Variants in TRRAP observed in about 807,000 individuals in gnomAD.
TRRAP encodes the protein transformation/transcription domain-associated protein.
A neutral mutation model predicts 438.8 loss-of-function variants in TRRAP; 41 were observed. That is an observed-to-expected ratio of 0.09 (90% CI 0.07 to 0.12). The LOEUF is 0.12. TRRAP is among the 10% of genes least tolerant of loss of function. TRRAP has a pLI of 1.00. For missense variants in TRRAP, 3,122 were observed against 5,055.1 expected (o/e 0.62, Z 11.60); for synonymous variants, 1,994 against 1,962.9 (o/e 1.02, Z -0.42).
chr7:98,949,372 A>C (rs1791227832), intron 35 of TRRAP, 45 bp from the exon 36 acceptor site: 1 of 1,449,162 alleles, frequency 6.9e-7, no homozygotes, highest in African/African-American at 1.4e-5. Flanking sequence ...ACTTTCTGTG[A>C]GTTTGATTAG....
chr7:98,978,888 A>G lies in TRRAP; in HGVS notation c.8618A>G (p.Lys2873Arg). The change falls in exon 58 of 73, where the codon AAG (lysine) becomes AGG (arginine). Residue 2873 changes from lysine (K) to arginine (R), a missense_variant. By Grantham distance (26) the Lys-to-Arg change is conservative. Around this residue, in one of 24 missense-constraint regions of TRRAP, gnomAD observed 992 missense variants for 1,281.2 expected, o/e 0.77. Transcript: ENST00000456197. ...AWRVSNWTAM[K>R]EALVQVEVSC... ...CGGGTGTCCAACTGGACTGCCATGA[A>G]GGAGGCGCTGGTGCAGGTGAGACGC... 1.2e-6 allele frequency: 2 copies of G among 1,614,128 alleles called. No homozygotes were observed. Among genetic ancestry groups the G allele is most frequent in the East Asian group, 2.2e-5 (1 of 44,888 alleles).
In TRRAP at chr7:98,911,340, A is replaced by G. The variant is rs528301044; in HGVS notation, c.2007+69A>G. ...TTGTTTATGTCTTAAATACTTTTTCATTTATTTCAAGGATTTTAAAAATAA... is the reference window on the plus strand; with the variant it reads ...TTGTTTATGTCTTAAATACTTTTTCGTTTATTTCAAGGATTTTAAAAATAA... On this transcript the variant is annotated intron_variant, in intron 17 of 72. Transcript: ENST00000456197. 15 of 1,396,460 alleles carry G rather than the reference A, an allele frequency of 1.1e-5. No homozygotes were observed. The East Asian group carries it at 3.2e-4, about 29-fold the overall frequency. The allele number at this position is 1,396,460 out of a possible 1,614,324, so 86.5% of individuals were successfully genotyped here. A position where few individuals can be genotyped will look rare whatever the true frequency, so the allele number is the denominator to read the frequency against.
intron 53 of TRRAP, among the ~76,000 whole-genome samples, chr7:98,974,309 C>G (rs950031357): frequency 3.9e-5 from 6 of 152,172 alleles, no homozygotes; most frequent in Non-Finnish European, 7.3e-5. Context: ...CTTCCTGGAG[C>G]TCCTCTACCC....
chr7:98,887,039 T>C (rs1252068970), intron 3 of TRRAP, among the ~76,000 whole-genome samples: 1 of 152,182 alleles, frequency 6.6e-6, no homozygotes, highest in African/African-American at 2.4e-5. Flanking sequence ...TAGCAGGGAC[T>C]ACAGGCATGC....
chr7:98,893,182 C>T (rs1344833208), intron 5 of TRRAP, among the ~76,000 whole-genome samples: 1 of 152,130 alleles, frequency 6.6e-6, no homozygotes, highest in Non-Finnish European at 1.5e-5. Flanking sequence ...GAACTCCTGA[C>T]CTTGTGATCC....
chr7:99,011,600 G>T lies in TRRAP; in HGVS notation c.11337+65G>T. ...GCCACTCAGATGCCCGCGCGTCACG[G>T]CCTTGCAGGAGCTGCTGATGTGCCT... On this transcript the variant is annotated intron_variant, in intron 72 of 72. Coordinates refer to ENST00000456197, the MANE Select transcript of TRRAP (RefSeq NM_001375524.1). The surrounding 1 kb of genome is among the most constrained non-coding windows in gnomAD (Gnocchi z 7.1). The T allele has an allele frequency of 6.5e-7, 1 of 1,546,808 alleles. No homozygotes were observed. Among genetic ancestry groups the T allele is most frequent in the Non-Finnish European group, 8.7e-7 (1 of 1,146,162 alleles).
At position 98,953,234 on chromosome 7, in the gene TRRAP, C is replaced by T. The variant is rs782797034; in HGVS notation, c.5531C>T (p.Thr1844Met). The change falls in exon 40 of 73, where the codon ACG (threonine) becomes ATG (methionine). Residue 1844 changes from threonine (T) to methionine (M), a missense_variant. Physicochemically the swap from Thr to Met is moderately conservative, Grantham distance 81. Coordinates refer to ENST00000456197, the MANE Select transcript of TRRAP (RefSeq NM_001375524.1). ...CGGATCTACCTGCTGCAGTACGCCA[C>T]GCTGCTGGTGGAGCACGCCCCCCAC... ...SLRIYLLQYATLLVEHAPHHI... is the reference protein window; with the variant it reads ...SLRIYLLQYAMLLVEHAPHHI... The T allele has an allele frequency of 1.1e-5, 17 of 1,613,470 alleles. No individual in the cohort carries two copies. The highest frequency in any genetic ancestry group is 1.6e-4 in the Middle Eastern group (1 of 6,084).
At chr7:98,990,401 G>A in intron 63 of TRRAP, 54 bp from the exon 64 acceptor site, 1 of 1,592,040 alleles carries the variant, frequency 6.3e-7, no homozygotes, top group Admixed American at 1.7e-5. Context: ...AAAGTCTCTT[G>A]CTTGAGGGCT....
At chr7:98,993,474 G>A in intron 65 of TRRAP, 64 bp from the exon 66 acceptor site, 1 of 1,561,546 alleles carries the variant, frequency 6.4e-7, no homozygotes, top group Non-Finnish European at 8.7e-7. Flanking sequence ...GGGTCCTGCA[G>A]CGCTCCGAGC....
intron 67 of TRRAP, among the ~76,000 whole-genome samples, chr7:98,996,886 AATTTT>A (rs1485727654): frequency 6.6e-6 from 1 of 152,202 alleles, no homozygotes; most frequent in Non-Finnish European, 1.5e-5. Flanking sequence ...GATGATTTTA[AATTTT>A]ATTTTTAAGA....
intron 3 of TRRAP, among the ~76,000 whole-genome samples, chr7:98,885,512 C>G (rs1223126309): frequency 6.6e-6 from 1 of 152,028 alleles, no homozygotes; most frequent in African/African-American, 2.4e-5. Context: ...AAATACCCTA[C>G]TATCTGTAGC....
intron 20 of TRRAP, 131 bp downstream of exon 20, chr7:98,917,810 G>C: frequency 7.9e-7 from 1 of 1,266,248 alleles, no homozygotes; most frequent in Middle Eastern, 2.4e-4. Context: ...ATCTTCGTGA[G>C]TCTTCTGGTG....
intron 30 of TRRAP, 113 bp downstream of exon 30, chr7:98,937,933 G>A: frequency 8.2e-7 from 1 of 1,222,078 alleles, no homozygotes; most frequent in Non-Finnish European, 1.1e-6. Context: ...CCAGCACTTT[G>A]GGAGGCCGAG....
At chr7:98,886,477 T>TAGATATAGATATCTAGAG (rs1795717922) in intron 3 of TRRAP, among the ~76,000 whole-genome samples, 2 of 152,024 alleles carry the variant, frequency 1.3e-5, no homozygotes, top group Admixed American at 6.6e-5. Context: ...GAGATAGAGA[T>TAGATATAGATATCTAGAG]AGATATAGAT....
intron 45 of TRRAP, among the ~76,000 whole-genome samples, chr7:98,960,759 TTGTGTGTGTGTGTGTG>T: frequency 6.9e-6 from 1 of 144,928 alleles, no homozygotes; most frequent in African/African-American, 2.5e-5. Flanking sequence ...GCCTGGCTTT[TTGTGTGTGTGTGTGTG>T]TGTGTGTGTG....
At chr7:98,975,951 G>A (rs2116728523) in intron 53 of TRRAP, 198 bp from the exon 54 acceptor site, 1 of 644,880 alleles carries the variant, frequency 1.6e-6, no homozygotes. Flanking sequence ...GGGCTTGGCT[G>A]CTAAGTGCAC....
Position 98,962,346 on chromosome 7 carries a change from T to A in TRRAP, c.6748T>A (p.Tyr2250Asn), listed in dbSNP as rs1401188473. 6.2e-7 allele frequency: 1 copy of A among 1,614,100 alleles called. No individual in the cohort carries two copies. ...ASKYEELECL[Y>N]AAVGKVIYEG... ...CAAATATGAAGAGCTGGAGTGCCTC[T>A]ACGCAGCCGTCGGAAAGGTCATCTA... Residue 2250 changes from tyrosine (Y) to asparagine (N), a missense_variant, in exon 47 of 73, where the codon TAC becomes AAC. Tyr to Asn is a moderately radical substitution (Grantham distance 143). Transcript: ENST00000456197.
chr7:98,978,790 G>C lies in TRRAP; in HGVS notation c.8520G>C (p.Gln2840His). Residue 2840 changes from glutamine to histidine, a missense_variant, in exon 58 of 73, where the codon CAG becomes CAC. Around this residue, in one of 24 missense-constraint regions of TRRAP, gnomAD observed 992 missense variants for 1,281.2 expected, o/e 0.77. Transcript: ENST00000456197. ...CTAGATGCTCCAAGGAATTGAACCA[G>C]TGGGAAGCCCTGACGGAGTACGGTC... ...HWIRCSKELN[Q>H]WEALTEYGQS... The C allele has an allele frequency of 6.2e-7, 1 of 1,614,258 alleles. No homozygotes were observed. Among genetic ancestry groups the C allele is most frequent in the Non-Finnish European group, 8.5e-7 (1 of 1,180,054 alleles).
chr7:98,998,994 C>T (rs1051585481), intron 67 of TRRAP: 11 of 645,428 alleles, frequency 1.7e-5, no homozygotes, highest in Non-Finnish European at 3.0e-5. Context: ...CTGCAGGCCC[C>T]CACAGGCGGG....
Sources: gnomAD v4.1 joint callset for allele counts (sites outside exome capture counted in the v4.1 genomes callset) on GRCh38, gnomAD v4.1.1 for gene constraint, gnomAD v4.1.1 regional missense constraint, Gnocchi (gnomAD v3.1) non-coding constraint, MANE v1.5 for transcripts, NCBI Gene and HGNC (gene_info 2026-07-23, HGNC 2026-07-21) for gene names.